The following CFAP61 variants were observed in gnomAD, a reference collection of about 807,000 sequenced individuals.
CFAP61 encodes the protein cilia- and flagella-associated protein 61.
CFAP61 carries 107 observed loss-of-function variants against 135.6 expected under a neutral mutation model. The ratio of observed to expected loss-of-function variants is 0.79; its 90% CI spans 0.67 to 0.93. CFAP61 has a LOEUF of 0.93. Among genes scored for constraint, CFAP61 ranks in the 40% least tolerant of loss-of-function variants. The pLI, the probability that CFAP61 is intolerant of heterozygous loss-of-function variation, is 0.00. For synonymous variants in CFAP61, 575 were observed against 578.5 expected (o/e 0.99, Z 0.09); for missense variants, 1,507 against 1,556.2 (o/e 0.97, Z 0.53).
Position 20,288,806 on chromosome 20 carries a change from T to A in CFAP61, c.2994T>A (p.Ser998Arg). 6.2e-7 allele frequency: 1 copy of A among 1,614,194 alleles called. No individual in the cohort carries two copies. The change falls in exon 23 of 27, where the codon AGT becomes AGA. Residue 998 changes from serine (S) to arginine (R), a missense_variant. Transcript: ENST00000245957. ...ATGAGTGGACTCACAGCAACTTCAG[T>A]TCCAAAGAAATTGGCTTTCAGCTGG... Reference protein sequence around the residue: ...YSNEWTHSNFSSKEIGFQLAA... With the variant: ...YSNEWTHSNFRSKEIGFQLAA...
At chr20:20,083,872 A>C (rs2046606870) in intron 6 of CFAP61, among the ~76,000 whole-genome samples, 1 of 152,224 alleles carries the variant, frequency 6.6e-6, no homozygotes, top group African/African-American at 2.4e-5. Flanking sequence ...ACCCTTCATA[A>C]TTTTTAAAAT....
chr20:20,272,384 C>T (rs1382670041), intron 21 of CFAP61, among the ~76,000 whole-genome samples: 1 of 152,162 alleles, frequency 6.6e-6, no homozygotes, highest in African/African-American at 2.4e-5. Flanking sequence ...CGAGATGGTG[C>T]CACTGCACTC....
intron 17 of CFAP61, among the ~76,000 whole-genome samples, chr20:20,206,556 C>G (rs1009548792): frequency 6.6e-6 from 1 of 152,194 alleles, no homozygotes; most frequent in Non-Finnish European, 1.5e-5. Context: ...GGCTTCTTAG[C>G]ATGTTTCATC....
chr20:20,313,014 A>G (rs552012255), intron 25 of CFAP61, among the ~76,000 whole-genome samples: 4 of 152,266 alleles, frequency 2.6e-5, no homozygotes, highest in Admixed American at 6.5e-5. Flanking sequence ...TATAGCCCCA[A>G]TGCTGTGGAC....
intron 10 of CFAP61, among the ~76,000 whole-genome samples, chr20:20,162,851 G>GCAA (rs3060450): frequency 0.9 from 137,225 of 152,006 alleles, 62,763 homozygotes; most frequent in Middle Eastern, 0.99. Flanking sequence ...ACTTTGCTCA[G>GCAA]CAACAACAGA....
intron 5 of CFAP61, 76 bp from the exon 6 acceptor site, chr20:20,075,413 A>G (rs745682705): frequency 1.6e-4 from 245 of 1,543,472 alleles, no homozygotes; most frequent in Non-Finnish European, 2.0e-4. Flanking sequence ...TTTAGAATGG[A>G]AACTACATTT....
At chr20:20,090,795 G>GA (rs762463963) in intron 6 of CFAP61, 49 bp from the exon 7 acceptor site, 19 of 1,602,080 alleles carry the variant, frequency 1.2e-5, no homozygotes, top group Admixed American at 5.0e-5. Context: ...CCTGTTGAAG[G>GA]AAAAAAATGA....
At chr20:20,108,375 A>G (rs567003914) in intron 8 of CFAP61, among the ~76,000 whole-genome samples, 75 of 152,334 alleles carry the variant, frequency 4.9e-4, no homozygotes, top group Admixed American at 1.1e-3. Flanking sequence ...TGAACAAACA[A>G]AAAATATCCA....
intron 2 of CFAP61, among the ~76,000 whole-genome samples, chr20:20,067,763 ATATATGTATTTAT>A (rs67236757): frequency 0.36 from 47,549 of 131,960 alleles, 9,414 homozygotes; most frequent in Non-Finnish European, 0.48. Flanking sequence ...TTATATTATT[ATATATGTATTTAT>A]TATATATATA....
At chr20:20,336,680 C>T (rs2058203821) in intron 25 of CFAP61, among the ~76,000 whole-genome samples, 1 of 151,904 alleles carries the variant, frequency 6.6e-6, no homozygotes, top group Non-Finnish European at 1.5e-5. Flanking sequence ...TGTAGTCACA[C>T]AGAAAACGAT....
intron 13 of CFAP61, among the ~76,000 whole-genome samples, chr20:20,177,690 TAGATGGTGGAGAA>T (rs2054738873): frequency 6.7e-6 from 1 of 150,300 alleles, no homozygotes; most frequent in African/African-American, 2.5e-5. Flanking sequence ...GCCTGCATTC[TAGATGGTGGAGAA>T]AGATGTAAAG....
At chr20:20,164,376 GC>G in intron 11 of CFAP61, 148 bp downstream of exon 11, 1 of 761,716 alleles carries the variant, frequency 1.3e-6, no homozygotes, top group Non-Finnish European at 2.0e-6. Context: ...AAATTCCTAA[GC>G]CCCATCCAGA....
intron 25 of CFAP61, among the ~76,000 whole-genome samples, chr20:20,332,004 T>TTA (rs2058018674): frequency 6.6e-6 from 1 of 152,208 alleles, no homozygotes. Flanking sequence ...AGTGCTGAAC[T>TTA]TATATAACAA....
At chr20:20,286,715 G>C (rs1470514967) in intron 22 of CFAP61, among the ~76,000 whole-genome samples, 1 of 152,158 alleles carries the variant, frequency 6.6e-6, no homozygotes, top group Non-Finnish European at 1.5e-5. Context: ...AACAATGTTG[G>C]ATTTGCTTAT....
At chr20:20,345,883 CTTTTTTTTT>C (rs756813997) in intron 26 of CFAP61, among the ~76,000 whole-genome samples, 3 of 50,428 alleles carry the variant, frequency 5.9e-5, no homozygotes, top group African/African-American at 1.5e-4. Flanking sequence ...GATTGTGCCA[CTTTTTTTTT>C]TTTTTTTTTT....
chr20:20,110,545 C>G (rs1023578227), intron 8 of CFAP61, among the ~76,000 whole-genome samples: 1 of 152,128 alleles, frequency 6.6e-6, no homozygotes, highest in African/African-American at 2.4e-5. Context: ...CAAAGGGCAT[C>G]CAGTCAAAAA....
intron 3 of CFAP61, among the ~76,000 whole-genome samples, chr20:20,072,725 C>T (rs1010191175): frequency 1.8e-4 from 28 of 152,122 alleles, no homozygotes; most frequent in Non-Finnish European, 2.1e-4. Context: ...AACTAACGAG[C>T]GCTTGAAATG....
At chr20:20,054,026 T>C (rs1292406166) in intron 1 of CFAP61, among the ~76,000 whole-genome samples, 1 of 150,184 alleles carries the variant, frequency 6.7e-6, no homozygotes, top group Admixed American at 6.6e-5. Context: ...TTTTTTTTTT[T>C]TTTTTTTTAG....
At chr20:20,117,672 T>G (rs2049253856) in intron 8 of CFAP61, among the ~76,000 whole-genome samples, 1 of 152,196 alleles carries the variant, frequency 6.6e-6, no homozygotes. Context: ...ATAAATTGCT[T>G]TGGGTATTAC....
Sources: gnomAD v4.1 joint callset for allele counts (sites outside exome capture counted in the v4.1 genomes callset) on GRCh38, gnomAD v4.1.1 for gene constraint, MANE v1.5 for transcripts, NCBI Gene and HGNC (gene_info 2026-07-23, HGNC 2026-07-21) for gene names.